The following DEPDC1B variants were observed in gnomAD, a reference collection of about 807,000 sequenced individuals.
The protein encoded by DEPDC1B is DEP domain containing 1B.
Under a neutral mutation model 66.5 loss-of-function variants are expected in DEPDC1B, and 51 were observed. That is an observed-to-expected ratio of 0.77 (90% CI 0.61 to 0.97). The LOEUF is 0.97. Ranked by LOEUF, DEPDC1B falls within the 50% of genes least tolerant of loss-of-function variation. DEPDC1B has a pLI of 0.00. For missense variants in DEPDC1B, 552 were observed against 637.1 expected, an observed-to-expected ratio of 0.87 and a Z score of 1.44; for synonymous variants, 226 against 223.6, an observed-to-expected ratio of 1.01 and a Z score of -0.10.
intron 7 of DEPDC1B, among the ~76,000 whole-genome samples, chr5:60,610,063 A>G (rs1752385526): frequency 6.6e-6 from 1 of 152,162 alleles, no homozygotes; most frequent in African/African-American, 2.4e-5. Flanking sequence ...ATTTGTTGAT[A>G]TGCCTCCCAT....
At chr5:60,622,877 T>C (rs1264435909) in intron 7 of DEPDC1B, among the ~76,000 whole-genome samples, 1 of 152,208 alleles carries the variant, frequency 6.6e-6, no homozygotes, top group Non-Finnish European at 1.5e-5. Flanking sequence ...TGTCTTAGTA[T>C]TGAAGTGTTC....
intron 1 of DEPDC1B, among the ~76,000 whole-genome samples, chr5:60,688,080 G>T (rs1754462996): frequency 6.6e-6 from 1 of 151,994 alleles, no homozygotes; most frequent in Admixed American, 6.6e-5. Flanking sequence ...TTTCTAGGTT[G>T]CTTATTATGT....
chr5:60,651,561 TA>T (rs762820812), intron 2 of DEPDC1B, among the ~76,000 whole-genome samples: 2 of 149,532 alleles, frequency 1.3e-5, no homozygotes, highest in African/African-American at 5.0e-5. Context: ...AAAAAAAAAC[TA>T]AAAAAAACTA....
chr5:60,699,988 G>A, intron 1 of DEPDC1B, 58 bp downstream of exon 1: 1 of 1,538,018 alleles, frequency 6.5e-7, no homozygotes, highest in Non-Finnish European at 8.8e-7. Context: ...CTGTCCGCGC[G>A]CTGAGTGGGG....
At chr5:60,686,008 T>G (rs1353236640) in intron 2 of DEPDC1B, among the ~76,000 whole-genome samples, 1 of 152,172 alleles carries the variant, frequency 6.6e-6, no homozygotes, top group Non-Finnish European at 1.5e-5. Context: ...TGCACAGCAA[T>G]GTCTGTTCTT....
Position 60,688,819 on chromosome 5 carries a change from T to C in DEPDC1B, c.49-1592A>G, listed in dbSNP as rs535385190. On this transcript the variant is annotated intron_variant, in intron 1 of 10. Coordinates refer to ENST00000265036, the MANE Select transcript of DEPDC1B (RefSeq NM_018369.3). ...TTTTGGGAGTCAAAAATCATGGAAA[T>C]TAAAATGAGAGGTCTGCTAAGAAAC... Among the ~76,000 whole-genome samples, 7 of 152,208 alleles carry C rather than the reference T, an allele frequency of 4.6e-5. No homozygotes were observed. The East Asian group carries it at 7.7e-4, about 17-fold the overall frequency.
At chr5:60,698,211 A>C (rs1390360690) in intron 1 of DEPDC1B, among the ~76,000 whole-genome samples, 1 of 152,228 alleles carries the variant, frequency 6.6e-6, no homozygotes, top group African/African-American at 2.4e-5. Flanking sequence ...TGGTGTCTAT[A>C]CTGTATAGAG....
chr5:60,666,363 G>C (rs559400783), intron 2 of DEPDC1B, among the ~76,000 whole-genome samples: 2 of 152,254 alleles, frequency 1.3e-5, no homozygotes, highest in Non-Finnish European at 2.9e-5. Flanking sequence ...AATCCGTGAA[G>C]CCAAGAATCC....
intron 6 of DEPDC1B, 84 bp from the exon 7 acceptor site, chr5:60,638,974 T>C (rs780088279): frequency 1.4e-6 from 2 of 1,455,682 alleles, no homozygotes; most frequent in Non-Finnish European, 1.9e-6. Flanking sequence ...GTGTGGCGTG[T>C]ACAGATATTC....
At chr5:60,694,640 T>C (rs960568368) in intron 1 of DEPDC1B, among the ~76,000 whole-genome samples, 1 of 152,238 alleles carries the variant, frequency 6.6e-6, no homozygotes, top group African/African-American at 2.4e-5. Flanking sequence ...TCTTTACCTT[T>C]AGTCATATTC....
intron 1 of DEPDC1B, 67 bp downstream of exon 1, chr5:60,699,979 T>C (rs1437196439): frequency 4.6e-6 from 7 of 1,529,358 alleles, no homozygotes; most frequent in African/African-American, 2.8e-5. Context: ...ACAAGCACTC[T>C]GTCCGCGCGC....
At position 60,603,383 on chromosome 5, in the gene DEPDC1B, T is replaced by C; in HGVS notation, c.1242+8A>G. 6.5e-7 allele frequency: 1 copy of C among 1,543,604 alleles called. No individual in the cohort carries two copies. The highest frequency in any genetic ancestry group is 2.3e-5 in the East Asian group (1 of 43,406). ...ATTTCATAGAACTGATAATATCCTC[T>C]CCTTTACCTGGACTCTTCGTAGATG... On this transcript the variant is annotated splice_region_variant and intron_variant, in intron 9 of 10. Transcript: ENST00000265036.
In DEPDC1B at chr5:60,597,655, A is replaced by T. The variant is rs896164572; in HGVS notation, c.*98T>A. The T allele has an allele frequency of 7.5e-7, 1 of 1,328,880 alleles. No individual in the cohort carries two copies. 82.3% of individuals were successfully genotyped at this position (1,328,880 alleles called of 1,614,324 possible). ...TCTATATTTCAGTAGTCTTTGTTTT[A>T]TGCTTTTCTTTCTTCCACCACCAAA... On this transcript the variant is annotated 3_prime_UTR_variant, in exon 11 of 11. Transcript: ENST00000265036.
chr5:60,649,684 A>C (rs1386818153), intron 2 of DEPDC1B, among the ~76,000 whole-genome samples: 1 of 152,198 alleles, frequency 6.6e-6, no homozygotes, highest in Admixed American at 6.5e-5. Context: ...CCAAGAGAAC[A>C]AACCATCTTA....
intron 7 of DEPDC1B, among the ~76,000 whole-genome samples, chr5:60,612,724 G>C (rs980675572): frequency 2.8e-5 from 4 of 141,254 alleles, no homozygotes; most frequent in Non-Finnish European, 1.5e-5. Context: ...AAAAAAAAAA[G>C]GTCTTTGGAC....
intron 7 of DEPDC1B, among the ~76,000 whole-genome samples, chr5:60,608,743 A>C (rs547725042): frequency 6.6e-6 from 1 of 152,256 alleles, no homozygotes; most frequent in South Asian, 2.1e-4. Context: ...ATCTTTTCAA[A>C]AAATTATTAC....
At chr5:60,634,372 T>TA (rs1469925127) in intron 7 of DEPDC1B, among the ~76,000 whole-genome samples, 1 of 152,084 alleles carries the variant, frequency 6.6e-6, no homozygotes, top group Non-Finnish European at 1.5e-5. Context: ...CAAATGCTCT[T>TA]AAAAAATAAA....
chr5:60,614,857 G>A (rs1282226598), intron 7 of DEPDC1B, among the ~76,000 whole-genome samples: 2 of 152,098 alleles, frequency 1.3e-5, no homozygotes, highest in African/African-American at 2.4e-5. Context: ...CAGGCATGGT[G>A]GCACATGCCT....
intron 2 of DEPDC1B, among the ~76,000 whole-genome samples, chr5:60,669,146 C>G (rs1379311479): frequency 2.0e-5 from 3 of 152,146 alleles, no homozygotes; most frequent in Non-Finnish European, 2.9e-5. Context: ...CAGAACTATC[C>G]TCTGGTGAAT....
Sources: gnomAD v4.1 joint callset for allele counts (sites outside exome capture counted in the v4.1 genomes callset) on GRCh38, gnomAD v4.1.1 for gene constraint, MANE v1.5 for transcripts, NCBI Gene and HGNC (gene_info 2026-07-23, HGNC 2026-07-21) for gene names.